The following KLHDC4 variants were observed in gnomAD, a reference collection of about 807,000 sequenced individuals.
The protein encoded by KLHDC4 is kelch domain-containing protein 4.
A neutral mutation model predicts 62.4 loss-of-function variants in KLHDC4; 90 were observed. The observed-to-expected ratio is 1.44, with a 90% confidence interval of 1.22 to 1.72. KLHDC4 has a LOEUF of 1.72. KLHDC4 is among the 40% of genes most tolerant of loss of function. The probability of loss-of-function intolerance (pLI) is 0.00; values close to 1 mark genes in which losing one functional copy is unlikely to be tolerated. For missense variants in KLHDC4, 1,025 were observed against 699.7 expected, an observed-to-expected ratio of 1.47 and a Z score of -5.25; for synonymous variants, 386 against 284.4, an observed-to-expected ratio of 1.36 and a Z score of -3.59.
intron 7 of KLHDC4, among the ~76,000 whole-genome samples, chr16:87,720,533 T>C (rs1183257305): frequency 2.6e-5 from 3 of 116,632 alleles, no homozygotes; most frequent in Non-Finnish European, 5.5e-5. Context: ...GATGAGCCCC[T>C]GCGGAGACGC....
chr16:87,743,347 C>T (rs1303627675), intron 5 of KLHDC4, among the ~76,000 whole-genome samples: 2 of 152,160 alleles, frequency 1.3e-5, no homozygotes, highest in Non-Finnish European at 2.9e-5. Flanking sequence ...CTCCCACCTC[C>T]GTTTCCTAAA....
chr16:87,763,811 G>C (rs2046223769), intron 1 of KLHDC4, among the ~76,000 whole-genome samples: 1 of 152,180 alleles, frequency 6.6e-6, no homozygotes, highest in Non-Finnish European at 1.5e-5. Context: ...CAAGGTGGTA[G>C]GGTCTGGGTG....
chr16:87,741,054 C>G (rs1452489762), intron 5 of KLHDC4: 1 of 152,176 alleles, frequency 6.6e-6, no homozygotes. Context: ...CCATTACCCC[C>G]CTCATTTCCA....
chr16:87,740,159 G>A (rs542684261), intron 5 of KLHDC4, among the ~76,000 whole-genome samples: 168 of 152,264 alleles, frequency 1.1e-3, no homozygotes, highest in Non-Finnish European at 2.1e-3. Flanking sequence ...CTGGAGAAAC[G>A]CTGGCTGTGA....
rs550221092 is a variant in KLHDC4 at position 87,730,754 on chromosome 16, G to C, written c.507-110C>G. On this transcript the variant is annotated intron_variant, in intron 5 of 11. Coordinates refer to ENST00000270583, the MANE Select transcript of KLHDC4 (RefSeq NM_017566.4). ...TTTTACACTGATTTCTGTTTTGTGA[G>C]CACTTACTGCTCACAAATTAAATAC... The C allele has an allele frequency of 5.9e-5, 51 of 866,520 alleles. No homozygotes were observed. The East Asian group carries it at 1.2e-3, about 20-fold the overall frequency. The allele number at this position is 866,520 out of a possible 1,614,324, so 53.7% of individuals were successfully genotyped here. A position where few individuals can be genotyped will look rare whatever the true frequency, so the allele number is the denominator to read the frequency against.
chr16:87,730,649 A>G lies in KLHDC4; in HGVS notation c.507-5T>C, dbSNP rs753590360. On this transcript the variant is annotated splice_region_variant and splice_polypyrimidine_tract_variant and intron_variant, in intron 5 of 11. Coordinates refer to ENST00000270583, the MANE Select transcript of KLHDC4 (RefSeq NM_017566.4). ...CCCGAAGGACCGCCTGTTGATCTAA[A>G]ATGAAATAAACAAAAAGACACTATC... 2 of 1,611,298 alleles carry G rather than the reference A, an allele frequency of 1.2e-6. No individual in the cohort carries two copies. Among genetic ancestry groups the G allele is most frequent in the African/African-American group, 1.3e-5 (1 of 74,908 alleles).
At chr16:87,757,398 T>C (rs928596445) in intron 2 of KLHDC4, 2 of 145,428 alleles carry the variant, frequency 1.4e-5, no homozygotes, top group African/African-American at 2.6e-5. Context: ...AACCTGGGAG[T>C]TGGGGGTTGC....
exon 1 of KLHDC4, chr16:87,699,016 G>T (rs2034021431): frequency 6.6e-6 from 1 of 152,288 alleles, no homozygotes; most frequent in African/African-American, 2.4e-5. Flanking sequence ...AGCGCGGTCT[G>T]CGGGGGGTGG....
exon 1 of KLHDC4, chr16:87,701,876 G>A (rs1185261888): frequency 2.2e-6 from 1 of 456,568 alleles, no homozygotes; most frequent in Non-Finnish European, 4.4e-6. Flanking sequence ...GCCTCTTCGA[G>A]CCCAGGGAGT....
intron 5 of KLHDC4, among the ~76,000 whole-genome samples, chr16:87,743,588 A>G (rs2042568358): frequency 6.6e-6 from 1 of 151,920 alleles, no homozygotes; most frequent in African/African-American, 2.4e-5. Context: ...AAAATACAAA[A>G]TATTAGCCAG....
At chr16:87,699,775 AGGCCATG>A (rs923162225) in exon 1 of KLHDC4, 3 of 152,446 alleles carry the variant, frequency 2.0e-5, no homozygotes, top group African/African-American at 7.2e-5. Context: ...GCCCCAAGCC[AGGCCATG>A]GGCCAGCGGT....
At chr16:87,716,338 C>T (rs1210729387) in intron 7 of KLHDC4, among the ~76,000 whole-genome samples, 2 of 150,648 alleles carry the variant, frequency 1.3e-5, no homozygotes, top group South Asian at 2.1e-4. Flanking sequence ...TGGATATTGA[C>T]GTAGACTCTG....
chr16:87,707,807 G>A (rs559822735), downstream of KLHDC4: 62 of 384,098 alleles, frequency 1.6e-4, 1 homozygote, highest in Middle Eastern at 4.8e-4. Flanking sequence ...CACCCTCCGC[G>A]GTGGTCTTGT....
chr16:87,707,560 G>A (rs1187122399), downstream of KLHDC4, among the ~76,000 whole-genome samples: 2 of 152,214 alleles, frequency 1.3e-5, no homozygotes, highest in African/African-American at 4.8e-5. Context: ...AGGCATCAGA[G>A]GCTGATCCCA....
At chr16:87,744,500 T>C (rs1026639055) in intron 5 of KLHDC4, among the ~76,000 whole-genome samples, 1 of 151,714 alleles carries the variant, frequency 6.6e-6, no homozygotes, top group African/African-American at 2.4e-5. Flanking sequence ...CAAGAATGGC[T>C]TGAACCAGCG....
intron 9 of KLHDC4, chr16:87,710,317 CTCACGAGGTGACATTTGCCAGGT>C (rs1437503795): frequency 2.6e-5 from 4 of 152,362 alleles, no homozygotes; most frequent in African/African-American, 9.6e-5. Context: ...ACGCTGCCAG[CTCACGAGGTGACATTTGCCAGGT>C]TATTTCCAAA....
rs763656488 is a variant in KLHDC4 at position 87,761,977 on chromosome 16, C to T, written c.163G>A (p.Glu55Lys). 5 of 1,613,894 alleles carry T rather than the reference C, an allele frequency of 3.1e-6. No individual in the cohort carries two copies. Among genetic ancestry groups the T allele is most frequent in the South Asian group, 1.1e-5 (1 of 91,014 alleles). ...GGTGAGGGTGGGGGGCACGGAAGTT[C>T]CACAGTCTGAGTCCTCTTGGCATCG... ...TLDAKRTQTV[E>K]LPCPPPSPRL... is the part of the protein sequence containing the mutation. The change falls in exon 2 of 12, where the codon GAA (glutamate) becomes AAA (lysine). Residue 55 changes from glutamate (E) to lysine (K), a missense_variant. By Grantham distance (56) the Glu-to-Lys change is moderately conservative (BLOSUM62 1). Coordinates refer to ENST00000270583, the MANE Select transcript of KLHDC4 (RefSeq NM_017566.4).
At chr16:87,754,913 G>A (rs2044622742) in intron 4 of KLHDC4, among the ~76,000 whole-genome samples, 1 of 152,122 alleles carries the variant, frequency 6.6e-6, no homozygotes, top group Non-Finnish European at 1.5e-5. Context: ...TAGGGGGAGT[G>A]AGCATTCTGC....
chr16:87,750,798 G>C (rs916613148), intron 4 of KLHDC4: 2 of 152,258 alleles, frequency 1.3e-5, no homozygotes, highest in Admixed American at 6.5e-5. Flanking sequence ...GCAGCACACA[G>C]GGGGTGGCGT....
Sources: allele counts gnomAD v4.1 joint callset (sites outside exome capture counted in the v4.1 genomes callset), GRCh38; gene constraint gnomAD v4.1.1; transcripts MANE v1.5; gene names NCBI Gene and HGNC (gene_info 2026-07-23, HGNC 2026-07-21).